SAMSN1: variants seen among roughly 807,000 people sequenced by gnomAD.
SAMSN1 encodes the protein SAM domain, SH3 domain and nuclear localization signals 1.
In SAMSN1, 31 loss-of-function variants were observed where a neutral mutation model predicts 42.0. The ratio of observed to expected loss-of-function variants is 0.74; its 90% CI spans 0.55 to 1.00. The LOEUF (loss-of-function observed/expected upper bound fraction) is 1.00, where lower values mean the gene tolerates loss of function less well. Among genes scored for constraint, SAMSN1 ranks in the 50% least tolerant of loss-of-function variants. The pLI is 0.00. For missense variants in SAMSN1, 464 were observed against 439.4 expected, an observed-to-expected ratio of 1.06 and a Z score of -0.50; for synonymous variants, 178 against 151.9, an observed-to-expected ratio of 1.17 and a Z score of -1.26.
chr21:14,620,893 A>G (rs2123342074), intron 2 of SAMSN1, among the ~76,000 whole-genome samples: 1 of 152,360 alleles, frequency 6.6e-6, no homozygotes, highest in Non-Finnish European at 1.5e-5. Context: ...ATAAATTCCT[A>G]TTAAAATAAG....
intron 1 of SAMSN1, among the ~76,000 whole-genome samples, chr21:14,526,494 TAAG>T (rs748325308): frequency 2.0e-5 from 3 of 152,168 alleles, no homozygotes; most frequent in Non-Finnish European, 4.4e-5. Flanking sequence ...TAAAAGAACT[TAAG>T]GCGATTCTTT....
At chr21:14,555,477 T>G (rs572881981) in intron 2 of SAMSN1, among the ~76,000 whole-genome samples, 1 of 152,194 alleles carries the variant, frequency 6.6e-6, no homozygotes, top group Non-Finnish European at 1.5e-5. Flanking sequence ...ATGAAACATA[T>G]AGCAGGTATT....
At chr21:14,590,432 C>G (rs1293871046) in intron 7 of SAMSN1, among the ~76,000 whole-genome samples, 1 of 152,038 alleles carries the variant, frequency 6.6e-6, no homozygotes, top group Non-Finnish European at 1.5e-5. Context: ...CACGCACCAT[C>G]ATGCCCGGTA....
chr21:14,628,090 A>G (rs1198110520), intron 2 of SAMSN1, among the ~76,000 whole-genome samples: 1 of 152,218 alleles, frequency 6.6e-6, no homozygotes, highest in East Asian at 1.9e-4. Context: ...ACTTAAAAAT[A>G]TCAATTAAAA....
chr21:14,487,107 G>A (rs183449663), intron 7 of SAMSN1, among the ~76,000 whole-genome samples: 10 of 152,026 alleles, frequency 6.6e-5, no homozygotes, highest in Non-Finnish European at 1.0e-4. Context: ...TTCTAACCTT[G>A]GGGCTTCACC....
At chr21:14,490,105 T>C (rs1262875595) in intron 7 of SAMSN1, among the ~76,000 whole-genome samples, 2 of 152,190 alleles carry the variant, frequency 1.3e-5, no homozygotes, top group Non-Finnish European at 2.9e-5. Flanking sequence ...GCCCAAATCA[T>C]CCAGATTTTG....
At chr21:14,541,031 A>G (rs957985448) in intron 1 of SAMSN1, among the ~76,000 whole-genome samples, 1 of 151,710 alleles carries the variant, frequency 6.6e-6, no homozygotes, top group African/African-American at 2.4e-5. Flanking sequence ...TATTGCAAGG[A>G]CGGAAAACCA....
chr21:14,611,420 T>C lies in SAMSN1; in HGVS notation c.235+1456A>G, dbSNP rs556900517. Among the ~76,000 whole-genome samples the C allele has an allele frequency of 5.9e-5, 9 of 152,360 alleles. 1 individual carries two copies. In the East Asian group the frequency reaches 1.7e-3, roughly 29 times the overall value. ...GTATCATGCATTGATAACACAAATG[T>C]TGAATAATGCAACCTATGCATAGCA... On this transcript the variant is annotated intron_variant, in intron 4 of 15. Coordinates refer to the SAMSN1 transcript ENST00000647101.
At chr21:14,498,385 T>C in intron 7 of SAMSN1, 57 bp downstream of exon 7, 8 of 1,436,250 alleles carry the variant, frequency 5.6e-6, no homozygotes, top group Non-Finnish European at 7.6e-6. Context: ...CTAATGATTA[T>C]ACTATTTACA....
At chr21:14,600,119 C>G (rs1490155210) in intron 6 of SAMSN1, among the ~76,000 whole-genome samples, 1 of 152,106 alleles carries the variant, frequency 6.6e-6, no homozygotes, top group Non-Finnish European at 1.5e-5. Flanking sequence ...AAACACTTAT[C>G]TGATAGTCAT....
At chr21:14,489,418 A>G (rs117946719) in intron 7 of SAMSN1, among the ~76,000 whole-genome samples, 3,003 of 152,292 alleles carry the variant, frequency 0.02, 55 homozygotes, top group Non-Finnish European at 0.024. Context: ...CTTACAAACA[A>G]AAGTGTTCAA....
At chr21:14,640,946 T>C (rs938258798) in intron 2 of SAMSN1, among the ~76,000 whole-genome samples, 1 of 152,094 alleles carries the variant, frequency 6.6e-6, no homozygotes, top group African/African-American at 2.4e-5. Context: ...ATAAATGAAG[T>C]TTGAAAAAAT....
chr21:14,619,998 T>A (rs1982958728), intron 2 of SAMSN1, among the ~76,000 whole-genome samples: 2 of 152,016 alleles, frequency 1.3e-5, no homozygotes. Flanking sequence ...AGTGATCTTC[T>A]TAGATTTTAT....
At chr21:14,525,138 C>A (rs1277231397) in intron 1 of SAMSN1, among the ~76,000 whole-genome samples, 1 of 152,004 alleles carries the variant, frequency 6.6e-6, no homozygotes, top group Non-Finnish European at 1.5e-5. Flanking sequence ...TTTTGCAAAC[C>A]CCTAATGCAA....
chr21:14,562,742 C>G (rs1000692285), intron 2 of SAMSN1, among the ~76,000 whole-genome samples: 1 of 151,964 alleles, frequency 6.6e-6, no homozygotes, highest in Non-Finnish European at 1.5e-5. Flanking sequence ...ATATCCATAT[C>G]TTGAACTATC....
chr21:14,494,862 C>G (rs1986849240), intron 7 of SAMSN1, among the ~76,000 whole-genome samples: 1 of 152,104 alleles, frequency 6.6e-6, no homozygotes, highest in Non-Finnish European at 1.5e-5. Context: ...TCCTCTTGGT[C>G]TCTCTAGATA....
chr21:14,521,237 GA>G lies in SAMSN1; in HGVS notation c.58-17del, dbSNP rs776157246. 4.4e-6 allele frequency: 7 copies of G among 1,587,932 alleles called. No individual in the cohort carries two copies. The East Asian group carries it at 1.3e-4, about 30-fold the overall frequency. ...TGCTGCTTCGCTATAAAATAGAAAA[GA>G]AAAAGCAAAGGAAACTTAGAATTTA... On this transcript the variant is annotated splice_polypyrimidine_tract_variant and intron_variant, in intron 1 of 7. Coordinates refer to ENST00000400566, the MANE Select transcript of SAMSN1 (RefSeq NM_022136.5).
chr21:14,516,552 C>T (rs1325258710), intron 3 of SAMSN1, among the ~76,000 whole-genome samples: 2 of 152,214 alleles, frequency 1.3e-5, no homozygotes, highest in Middle Eastern at 3.4e-3. Flanking sequence ...CCACCATGCT[C>T]AGCTAATTTT....
At chr21:14,582,949 C>T (rs1981796044) in intron 1 of SAMSN1, among the ~76,000 whole-genome samples, 1 of 152,094 alleles carries the variant, frequency 6.6e-6, no homozygotes, top group South Asian at 2.1e-4. Context: ...TGAAATCCTA[C>T]TGACATTCTG....
Sources: gnomAD v4.1 joint callset for allele counts (sites outside exome capture counted in the v4.1 genomes callset) on GRCh38, gnomAD v4.1.1 for gene constraint, MANE v1.5 for transcripts, NCBI Gene and HGNC (gene_info 2026-07-23, HGNC 2026-07-21) for gene names.